Variants in RYR1 observed in about 807,000 individuals in gnomAD.
RYR1 encodes ryanodine receptor 1.
A neutral mutation model predicts 583.5 loss-of-function variants in RYR1; 342 were observed. The ratio of observed to expected loss-of-function variants is 0.59; its 90% CI spans 0.54 to 0.64. The LOEUF is 0.64. Ranked by LOEUF, RYR1 falls within the 30% of genes least tolerant of loss-of-function variation. RYR1 has a pLI of 0.00. For missense variants in RYR1, 6,032 were observed against 6,917.2 expected (o/e 0.87, Z 4.54); for synonymous variants, 2,791 against 2,822.5 (o/e 0.99, Z 0.35).
At chr19:38,520,995 C>T (rs1236832704) in intron 67 of RYR1, among the ~76,000 whole-genome samples, 1 of 152,072 alleles carries the variant, frequency 6.6e-6, no homozygotes, top group African/African-American at 2.4e-5. Context: ...AAGTTTGGGG[C>T]CGGGTGCAGT....
In RYR1 at chr19:38,510,518, C is replaced by T. The variant is rs1381679767; in HGVS notation, c.8953C>T (p.Arg2985Ter). ...TACAGAGGCTGTGGTCAGCAGTGGG[C>T]GAGTGGAAAAGTCCCCACATGAACA... The part of the protein sequence containing the change: ...AHLEAVVSSG[R>*]VEKSPHEQEI... The change falls in exon 59 of 106, where the codon CGA (arginine) becomes TGA (stop). Residue 2985 changes from arginine (R) to a stop codon, truncating the protein, a stop_gained. Coordinates refer to ENST00000359596, the MANE Select transcript of RYR1 (RefSeq NM_000540.3). LOFTEE classifies it high-confidence loss of function. The T allele has an allele frequency of 4.3e-6, 7 of 1,614,128 alleles. No homozygotes were observed. Among genetic ancestry groups the T allele is most frequent in the East Asian group, 2.2e-5 (1 of 44,882 alleles).
chr19:38,463,043 C>T (rs555611614), intron 20 of RYR1, among the ~76,000 whole-genome samples: 119 of 150,870 alleles, frequency 7.9e-4, no homozygotes, highest in Middle Eastern at 3.4e-3. Flanking sequence ...ACTACAGGTG[C>T]GCACCACCAC....
chr19:38,555,582 A>T (rs1972847589), intron 89 of RYR1, among the ~76,000 whole-genome samples: 1 of 152,182 alleles, frequency 6.6e-6, no homozygotes, highest in Admixed American at 6.6e-5. Flanking sequence ...GTACAAATAA[A>T]AAAGTCACAG....
chr19:38,463,880 G>T (rs374514282), intron 22 of RYR1, 30 bp downstream of exon 22: 4 of 1,561,102 alleles, frequency 2.6e-6, no homozygotes, highest in Non-Finnish European at 3.5e-6. Flanking sequence ...GGGGGTTGGG[G>T]CTGGCTGCTG....
intron 79 of RYR1, 28 bp from the exon 80 acceptor site, chr19:38,535,113 A>G (rs199592082): frequency 1.9e-6 from 3 of 1,608,976 alleles, no homozygotes; most frequent in East Asian, 2.2e-5. Context: ...AACTGGGTGG[A>G]CCATCTTTTT....
At chr19:38,521,617 A>G (rs1971227489) in intron 67 of RYR1, among the ~76,000 whole-genome samples, 1 of 151,324 alleles carries the variant, frequency 6.6e-6, no homozygotes, top group Non-Finnish European at 1.5e-5. Flanking sequence ...AATCACTTGG[A>G]ACCTGGGAGG....
At chr19:38,471,534 A>C (rs1968418487) in intron 27 of RYR1, among the ~76,000 whole-genome samples, 1 of 152,028 alleles carries the variant, frequency 6.6e-6, no homozygotes, top group South Asian at 2.1e-4. Flanking sequence ...GTCTCTAAGA[A>C]AAAAAGAGTG....
At position 38,499,636 on chromosome 19, in the gene RYR1, C is replaced by T. The variant is rs138617219; in HGVS notation, c.7029C>T (p.Gly2343=). The change falls in exon 44 of 106, where the codon GGC becomes GGT. Residue 2343 remains glycine (G), a splice_region_variant and synonymous_variant. Coordinates refer to ENST00000359596, the MANE Select transcript of RYR1 (RefSeq NM_000540.3). This position sits in a 1 kb window ranked among gnomAD's most constrained non-coding sequence, Gnocchi z 7.3. ...DFLRFAVFVN[G]ESVEENANVV... ...CCCTTTCCCCATGCGGGTGGCCAGG[C>T]GAGAGCGTGGAGGAGAACGCCAATG... 71 of 1,597,616 alleles carry T rather than the reference C, an allele frequency of 4.4e-5. 1 individual carries two copies. Among genetic ancestry groups the T allele is most frequent in the South Asian group, 2.9e-4 (26 of 90,970 alleles).
chr19:38,473,535 G>T lies in RYR1; in HGVS notation c.3924G>T (p.Pro1308=). The change falls in exon 28 of 106, where the codon CCG becomes CCT. Residue 1308 remains proline, a synonymous_variant. Transcript: ENST00000359596. ...QHFRCTAGAT[P]LAPPGLQPPA... ...TCCGCTGCACTGCAGGGGCCACCCC[G>T]CTGGCACCTCCTGGCCTGCAGCCCC... 6.2e-7 allele frequency: 1 copy of T among 1,609,834 alleles called. No homozygotes were observed. The highest frequency in any genetic ancestry group is 8.5e-7 in the Non-Finnish European group (1 of 1,178,530).
In RYR1 at chr19:38,526,891, A is replaced by G; in HGVS notation, c.10627-102A>G. On this transcript the variant is annotated intron_variant, in intron 71 of 105. Transcript: ENST00000359596. ...AGACCCCCACCCCCACCCCAGAAAAACCTCTTCAGTTCCTGGGGTGCTGGG... is the reference window on the plus strand; with the variant it reads ...AGACCCCCACCCCCACCCCAGAAAAGCCTCTTCAGTTCCTGGGGTGCTGGG... The G allele has an allele frequency of 4.6e-6, 6 of 1,297,296 alleles. No individual in the cohort carries two copies. In the South Asian group the frequency reaches 6.0e-5, roughly 13 times the overall value. The allele number at this position is 1,297,296 out of a possible 1,614,324, so 80.4% of individuals were successfully genotyped here.
chr19:38,516,303 T>TGGCTG, intron 65 of RYR1, 86 bp downstream of exon 65: 9 of 1,479,854 alleles, frequency 6.1e-6, no homozygotes, highest in South Asian at 4.9e-5. Context: ...GGGGGTAGTG[T>TGGCTG]GGCTGGGCTG....
At chr19:38,472,685 C>T (rs1327703775) in intron 27 of RYR1, among the ~76,000 whole-genome samples, 1 of 151,630 alleles carries the variant, frequency 6.6e-6, no homozygotes, top group African/African-American at 2.4e-5. Flanking sequence ...TGAGACCAGC[C>T]TGGGCAACAT....
chr19:38,485,676 C>T lies in RYR1; in HGVS notation c.5021C>T (p.Ala1674Val), dbSNP rs1026509467. Residue 1674 changes from alanine to valine, a missense_variant, in exon 34 of 106, where the codon GCC (alanine) becomes GTC (valine). Transcript: ENST00000359596. ...HTLRLYRAVCALGNNRVAHAL... is the reference protein window; with the variant it reads ...HTLRLYRAVCVLGNNRVAHAL... ...CTGCGCCTCTACCGCGCTGTGTGCGCCCTGGGCAACAATCGCGTGGCGCAC... is the reference window on the plus strand; with the variant it reads ...CTGCGCCTCTACCGCGCTGTGTGCGTCCTGGGCAACAATCGCGTGGCGCAC... The T allele has an allele frequency of 3.7e-6, 6 of 1,610,816 alleles. No individual in the cohort carries two copies. The highest frequency in any genetic ancestry group is 3.4e-6 in the Non-Finnish European group (4 of 1,179,854).
chr19:38,454,836 G>C (rs1420099826), intron 13 of RYR1, among the ~76,000 whole-genome samples: 1 of 151,924 alleles, frequency 6.6e-6, no homozygotes, highest in Non-Finnish European at 1.5e-5. Flanking sequence ...TCTTTCTGAT[G>C]GTTGGTGTGG....
Position 38,496,768 on chromosome 19 carries a change from T to C in RYR1, c.6797-92T>C. The C allele has an allele frequency of 7.7e-7, 1 of 1,301,704 alleles. No individual in the cohort carries two copies. Among genetic ancestry groups the C allele is most frequent in the Non-Finnish European group, 1.1e-6 (1 of 899,478 alleles). The allele number at this position is 1,301,704 out of a possible 1,614,324, so 80.6% of individuals were successfully genotyped here. ...AGTACAGACCAGAGGAGGCACCTGA[T>C]CCAGGCTGGAAAAAGGGTGGTCAGG... On this transcript the variant is annotated intron_variant, in intron 41 of 105. Transcript: ENST00000359596. The surrounding 1 kb of genome is among the most constrained non-coding windows in gnomAD (Gnocchi z 4.8).
At chr19:38,540,877 A>G (rs1391308370) in intron 84 of RYR1, among the ~76,000 whole-genome samples, 2 of 126,318 alleles carry the variant, frequency 1.6e-5, no homozygotes, top group Admixed American at 1.8e-4. Flanking sequence ...TAAACCTCCA[A>G]TCATATACTA....
At chr19:38,448,308 G>C in intron 9 of RYR1, 47 bp from the exon 10 acceptor site, 1 of 1,589,652 alleles carries the variant, frequency 6.3e-7, no homozygotes, top group South Asian at 1.1e-5. Context: ...ATGTCCATGG[G>C]AGAACTGGGG....
At chr19:38,498,457 G>A (rs1048591283) in intron 42 of RYR1, among the ~76,000 whole-genome samples, 1 of 152,156 alleles carries the variant, frequency 6.6e-6, no homozygotes, top group African/African-American at 2.4e-5. Context: ...GGCCCAAAGA[G>A]AAGGTTCTTG....
rs534343969 is a variant in RYR1, at chr19:38,579,871, G to A, written c.14365-111G>A. The A allele has an allele frequency of 7.0e-6, 10 of 1,422,884 alleles. No individual in the cohort carries two copies. In the East Asian group the frequency reaches 1.6e-4, roughly 23 times the overall value. 88.1% of individuals were successfully genotyped at this position (1,422,884 alleles called of 1,614,324 possible). ...ATCCTCCATGTACTCCCCAAACAGA[G>A]CTGGCACCCGACCCCCAGGGCACAG... On this transcript the variant is annotated intron_variant, in intron 99 of 105. Coordinates refer to ENST00000359596, the MANE Select transcript of RYR1 (RefSeq NM_000540.3).
Sources: allele counts gnomAD v4.1 joint callset (sites outside exome capture counted in the v4.1 genomes callset), GRCh38; gene constraint gnomAD v4.1.1; non-coding constraint Gnocchi (gnomAD v3.1); transcripts MANE v1.5; gene names NCBI Gene and HGNC (gene_info 2026-07-23, HGNC 2026-07-21).